Variants in MAN1C1 observed in about 807,000 individuals in gnomAD.
The protein encoded by MAN1C1 is mannosidase alpha class 1C member 1, also known as mannosyl-oligosaccharide 1,2-alpha-mannosidase IC.
In MAN1C1, 49 loss-of-function variants were observed where a neutral mutation model predicts 71.5. The observed-to-expected ratio is 0.69, with a 90% CI of 0.54 to 0.87. The LOEUF (loss-of-function observed/expected upper bound fraction) is 0.87. MAN1C1 is among the 40% of genes least tolerant of loss of function. The pLI, the probability that MAN1C1 is intolerant of heterozygous loss-of-function variation, is 0.00. For missense variants in MAN1C1, 743 were observed against 835.0 expected (o/e 0.89, Z 1.36); for synonymous variants, 352 against 343.7 (o/e 1.02, Z -0.27).
chr1:25,741,631 G>A (rs947308749), intron 2 of MAN1C1, among the ~76,000 whole-genome samples: 1 of 152,172 alleles, frequency 6.6e-6, no homozygotes, highest in Non-Finnish European at 1.5e-5. Flanking sequence ...GATGAGAATG[G>A]GGGGAGGTGG....
At chr1:25,632,337 G>A (rs1488097173) in intron 1 of MAN1C1, among the ~76,000 whole-genome samples, 1 of 152,134 alleles carries the variant, frequency 6.6e-6, no homozygotes, top group Admixed American at 6.6e-5. Flanking sequence ...TATTTCTGTG[G>A]TGTTGGTTGT....
At chr1:25,750,798 T>C (rs1381609786) in intron 4 of MAN1C1, among the ~76,000 whole-genome samples, 1 of 152,142 alleles carries the variant, frequency 6.6e-6, no homozygotes, top group Admixed American at 6.5e-5. Context: ...AGAAAAAGCA[T>C]CTGTGTTCTT....
rs1341158017 is a variant in MAN1C1, at chr1:25,711,774, G to A, written c.637+25238G>A. Among the ~76,000 whole-genome samples the A allele has an allele frequency of 6.6e-6, 1 of 152,142 alleles. No homozygotes were observed. The highest frequency in any genetic ancestry group is 1.9e-4 in the East Asian group (1 of 5,166). On this transcript the variant is annotated intron_variant, in intron 2 of 11. Transcript: ENST00000374332. This position sits in a 1 kb window ranked among gnomAD's most constrained non-coding sequence, Gnocchi z 4.3. ...TTGTCTTGGTGGGAGGAAGTGATCA[G>A]TCTTTGCAAGCCGTGCTGTCCTGTG... is the stretch of plus-strand genomic sequence containing the variant.
chr1:25,656,308 G>A (rs577579222), intron 1 of MAN1C1, among the ~76,000 whole-genome samples: 2 of 151,880 alleles, frequency 1.3e-5, no homozygotes, highest in African/African-American at 4.8e-5. Flanking sequence ...ATGTTGGGCA[G>A]CCCGGTCTCG....
intron 1 of MAN1C1, among the ~76,000 whole-genome samples, chr1:25,671,897 G>C (rs968572129): frequency 2.6e-5 from 4 of 152,208 alleles, no homozygotes; most frequent in African/African-American, 9.6e-5. Context: ...ATTCTCCAGA[G>C]AAAAAGAACC....
In MAN1C1 at chr1:25,778,068, G is replaced by A. The variant is rs371093670; in HGVS notation, c.1258-37G>A. ...CCCCCCCTTCTCTGTGCCCTCCCACGCCCCTTCTCCCTGCCCAATCCCCAC... is the reference window on the plus strand; with the variant it reads ...CCCCCCCTTCTCTGTGCCCTCCCACACCCCTTCTCCCTGCCCAATCCCCAC... On this transcript the variant is annotated intron_variant, in intron 8 of 11. Coordinates refer to ENST00000374332, the MANE Select transcript of MAN1C1 (RefSeq NM_020379.4). The surrounding 1 kb of genome is among the most constrained non-coding windows in gnomAD (Gnocchi z 5.5). The A allele has an allele frequency of 2.8e-6, 4 of 1,436,352 alleles. No homozygotes were observed. Among genetic ancestry groups the A allele is most frequent in the East Asian group, 2.4e-5 (1 of 41,996 alleles). 89.0% of individuals were successfully genotyped at this position (1,436,352 alleles called of 1,614,324 possible).
At chr1:25,626,599 C>G (rs2045298275) in intron 1 of MAN1C1, among the ~76,000 whole-genome samples, 1 of 152,126 alleles carries the variant, frequency 6.6e-6, no homozygotes, top group African/African-American at 2.4e-5. Flanking sequence ...ACCTCATGAT[C>G]CGCCTGCCTC....
intron 2 of MAN1C1, among the ~76,000 whole-genome samples, chr1:25,716,507 A>G (rs372215629): frequency 6.6e-6 from 1 of 152,126 alleles, no homozygotes; most frequent in South Asian, 2.1e-4. Context: ...TTGTGTTTTT[A>G]GTAGACACAG....
At chr1:25,704,872 C>T (rs577812562) in intron 2 of MAN1C1, among the ~76,000 whole-genome samples, 10 of 152,348 alleles carry the variant, frequency 6.6e-5, no homozygotes, top group South Asian at 2.1e-4. Context: ...TTCCGTGGGA[C>T]GGAGCCATGG....
chr1:25,685,294 G>A (rs373864279), intron 1 of MAN1C1, among the ~76,000 whole-genome samples: 18 of 152,300 alleles, frequency 1.2e-4, no homozygotes, highest in Middle Eastern at 3.4e-3. Flanking sequence ...TTAGAACCTC[G>A]GCATCTCTGA....
At chr1:25,777,765 G>A (rs1163257015) in intron 8 of MAN1C1, 2 of 223,902 alleles carry the variant, frequency 8.9e-6, no homozygotes, top group Non-Finnish European at 1.7e-5. Context: ...GGCCAGCTGG[G>A]CTTCTGGTTA....
In MAN1C1 at chr1:25,667,357, G is replaced by T. The variant is rs554755985; in HGVS notation, c.541-19083G>T. Among the ~76,000 whole-genome samples, 3 of 151,758 alleles carry T rather than the reference G, an allele frequency of 2.0e-5. No homozygotes were observed. The South Asian group carries it at 6.3e-4, about 32-fold the overall frequency. ...AAATTAGCCAGGCGTGGTGGCAGGT[G>T]CCTGTAATCCCAGCTACTTGGGAGG... On this transcript the variant is annotated intron_variant, in intron 1 of 11. Transcript: ENST00000374332.
chr1:25,631,866 G>A lies in MAN1C1; in HGVS notation c.540+13529G>A, dbSNP rs2045386151. Among the ~76,000 whole-genome samples the A allele has an allele frequency of 6.6e-6, 1 of 152,222 alleles. No homozygotes were observed. The highest frequency in any genetic ancestry group is 1.5e-5 in the Non-Finnish European group (1 of 68,038). On this transcript the variant is annotated intron_variant, in intron 1 of 11. Transcript: ENST00000374332. This position sits in a 1 kb window ranked among gnomAD's most constrained non-coding sequence, Gnocchi z 4.2. ...GCTCACTGCAACCTCTGCCTGCTTA[G>A]GTTCAAGTGATTCTCCTGCCTCAGC...
At chr1:25,671,502 A>G (rs1188299522) in intron 1 of MAN1C1, among the ~76,000 whole-genome samples, 1 of 152,210 alleles carries the variant, frequency 6.6e-6, no homozygotes, top group Non-Finnish European at 1.5e-5. Flanking sequence ...ATTATCCCGT[A>G]GAGGTGTTAG....
At chr1:25,664,100 G>T (rs2045887625) in intron 1 of MAN1C1, among the ~76,000 whole-genome samples, 1 of 152,130 alleles carries the variant, frequency 6.6e-6, no homozygotes, top group Non-Finnish European at 1.5e-5. Context: ...TAGAGACTAG[G>T]TTATTCTGGG....
chr1:25,627,095 A>G (rs2045305947), intron 1 of MAN1C1, among the ~76,000 whole-genome samples: 1 of 152,156 alleles, frequency 6.6e-6, no homozygotes, highest in African/African-American at 2.4e-5. Flanking sequence ...TTTGCTATTT[A>G]GATGTCCAGT....
chr1:25,665,099 G>T (rs775921042), intron 1 of MAN1C1, among the ~76,000 whole-genome samples: 1 of 152,164 alleles, frequency 6.6e-6, no homozygotes, highest in Non-Finnish European at 1.5e-5. Context: ...TTCTGACAAA[G>T]AGGCAGAGAG....
chr1:25,765,720 T>A (rs1307836587), intron 7 of MAN1C1, among the ~76,000 whole-genome samples: 3 of 152,134 alleles, frequency 2.0e-5, no homozygotes, highest in Non-Finnish European at 4.4e-5. Context: ...ACAATGCAAG[T>A]GGGGCCTAGA....
At chr1:25,742,007 G>A (rs1442207366) in intron 2 of MAN1C1, among the ~76,000 whole-genome samples, 1 of 152,164 alleles carries the variant, frequency 6.6e-6, no homozygotes, top group Non-Finnish European at 1.5e-5. Context: ...TCTAGTTAGG[G>A]AGGCAAAGCC....
Sources: allele counts gnomAD v4.1 joint callset (sites outside exome capture counted in the v4.1 genomes callset), GRCh38; gene constraint gnomAD v4.1.1; non-coding constraint Gnocchi (gnomAD v3.1); transcripts MANE v1.5; gene names NCBI Gene and HGNC (gene_info 2026-07-23, HGNC 2026-07-21).